The following ANKRD18A variants were observed in gnomAD, a reference collection of about 807,000 sequenced individuals.
ANKRD18A encodes the protein ankyrin repeat domain 18A, also known as ankyrin repeat domain-containing protein 18A.
Under a neutral mutation model 110.6 loss-of-function variants are expected in ANKRD18A, and 72 were observed. That is an observed-to-expected ratio of 0.65 (90% CI 0.54 to 0.79). The LOEUF (loss-of-function observed/expected upper bound fraction) is 0.79, where lower values mean the gene tolerates loss of function less well. Among genes scored for constraint, ANKRD18A ranks in the 30% least tolerant of loss-of-function variants. The probability of loss-of-function intolerance (pLI) is 0.00; values close to 1 mark genes in which losing one functional copy is unlikely to be tolerated. For missense variants in ANKRD18A, 934 were observed against 1,163.3 expected (o/e 0.80, Z 2.87); for synonymous variants, 305 against 410.3 (o/e 0.74, Z 3.10).
chr9:38,574,480 C>T (rs1049281899), intron 15 of ANKRD18A, among the ~76,000 whole-genome samples: 16 of 152,118 alleles, frequency 1.1e-4, no homozygotes, highest in Non-Finnish European at 2.1e-4. Flanking sequence ...CCACACCTGG[C>T]TAATTTTTGT....
chr9:38,569,355 A>T (rs1223836092), downstream of ANKRD18A: 1 of 985,132 alleles, frequency 1.0e-6, no homozygotes, highest in Non-Finnish European at 1.2e-6. Context: ...CCCGATAGCG[A>T]CTGTCCCCAA....
In ANKRD18A at chr9:38,588,901, T is replaced by A. The variant is rs2993196; in HGVS notation, c.2005-238A>T. Among the ~76,000 whole-genome samples, 167 of 152,336 alleles carry A rather than the reference T, an allele frequency of 1.1e-3. 2 individuals carry two copies. Among genetic ancestry groups the A allele is most frequent in the African/African-American group, 3.7e-3 (154 of 41,584 alleles). On this transcript the variant is annotated intron_variant, in intron 10 of 15. Coordinates refer to ENST00000399703, the MANE Select transcript of ANKRD18A (RefSeq NM_147195.4). ...AAATTTAAACTGCCAAAAATGTTTG[T>A]TAAAAATGAGAGTTTTTACACATAA...
chr9:38,595,539 T>A lies in ANKRD18A; in HGVS notation c.1801A>T (p.Asn601Tyr). ...TGAAGCAGTTTTTCTTTTAAATAATTATATTCTTTCATTAATTCCTTATTT... is the reference window on the plus strand; with the variant it reads ...TGAAGCAGTTTTTCTTTTAAATAATAATATTCTTTCATTAATTCCTTATTT... ...ERNKELMKEYNYLKEKLLQCE... is the reference protein window; with the variant it reads ...ERNKELMKEYYYLKEKLLQCE... Residue 601 changes from asparagine (N) to tyrosine (Y), a missense_variant, in exon 9 of 16, where the codon AAT becomes TAT. Physicochemically the swap from Asn to Tyr is moderately radical, Grantham distance 143. Transcript: ENST00000399703. The A allele has an allele frequency of 2.0e-6, 3 of 1,526,728 alleles. No homozygotes were observed. The highest frequency in any genetic ancestry group is 2.6e-6 in the Non-Finnish European group (3 of 1,138,192). The allele number at this position is 1,526,728 out of a possible 1,614,324, so 94.6% of individuals were successfully genotyped here.
At chr9:38,615,401 T>A (rs1420858394) in intron 3 of ANKRD18A, among the ~76,000 whole-genome samples, 193 bp downstream of exon 3, 1 of 152,216 alleles carries the variant, frequency 6.6e-6, no homozygotes, top group African/African-American at 2.4e-5. Flanking sequence ...CACAAATACT[T>A]CCCATACGTG....
chr9:38,581,926 T>C (rs540760510), intron 12 of ANKRD18A, among the ~76,000 whole-genome samples: 92 of 152,346 alleles, frequency 6.0e-4, no homozygotes, highest in African/African-American at 2.0e-3. Context: ...GCTGTGCATC[T>C]CTGTTTCAGT....
At chr9:38,572,187 CA>C (rs1379092841) in intron 15 of ANKRD18A, 128 bp from the exon 16 acceptor site, 1 of 602,230 alleles carries the variant, frequency 1.7e-6, no homozygotes, top group African/African-American at 2.0e-5. Context: ...CGTGCAATTA[CA>C]ATACAAAATT....
intron 6 of ANKRD18A, among the ~76,000 whole-genome samples, chr9:38,604,697 A>G (rs948288029): frequency 4.0e-5 from 6 of 151,790 alleles, no homozygotes; most frequent in Non-Finnish European, 8.8e-5. Flanking sequence ...AGGTAAAACA[A>G]CAACAAAGTC....
Position 38,575,610 on chromosome 9 carries a change from G to T in ANKRD18A, c.2830C>A (p.Pro944Thr). The T allele has an allele frequency of 6.4e-7, 1 of 1,551,654 alleles. No individual in the cohort carries two copies. The highest frequency in any genetic ancestry group is 8.7e-7 in the Non-Finnish European group (1 of 1,146,850). Residue 944 changes from proline to threonine, a missense_variant, in exon 15 of 16, where the codon CCA (proline) becomes ACA (threonine). Physicochemically the swap from Pro to Thr is conservative, Grantham distance 38. This residue lies in a region of ANKRD18A where 223 missense variants were observed against 226.7 expected (regional missense o/e 0.98). Transcript: ENST00000399703. Reference sequence around the variant, plus strand: ...TCAACACAAGGTAACTCTGGTTCTGGCCTTGTAGGAAGAGTGCTGAGAAAA... The same window carrying T: ...TCAACACAAGGTAACTCTGGTTCTGTCCTTGTAGGAAGAGTGCTGAGAAAA... ...KYFLSTLPTR[P>T]EPELPCVENL...
downstream of ANKRD18A, chr9:38,571,080 G>T (rs913127464): frequency 8.7e-6 from 13 of 1,500,302 alleles, no homozygotes; most frequent in Admixed American, 2.9e-4. Flanking sequence ...CATGAGGACT[G>T]TCCCCAGACA....
intron 15 of ANKRD18A, among the ~76,000 whole-genome samples, chr9:38,574,017 G>A (rs144570549): frequency 0.013 from 1,915 of 152,212 alleles, 23 homozygotes; most frequent in Non-Finnish European, 0.018. Flanking sequence ...CAGGTAGTGA[G>A]CATAGGACCC....
At chr9:38,590,923 T>C (rs2799157) in intron 10 of ANKRD18A, among the ~76,000 whole-genome samples, 5,771 of 152,124 alleles carry the variant, frequency 0.038, 168 homozygotes, top group African/African-American at 0.085. Context: ...GGCTAATAAT[T>C]CTATGCCTGA....
intron 1 of ANKRD18A, 74 bp downstream of exon 1, chr9:38,620,006 C>A: frequency 6.6e-7 from 1 of 1,524,390 alleles, no homozygotes; most frequent in South Asian, 1.3e-5. Context: ...AAGGTCCCCG[C>A]CCCAGGGGCT....
Position 38,619,403 on chromosome 9 carries a change from G to T in ANKRD18A, c.206+677C>A, listed in dbSNP as rs556608473. On this transcript the variant is annotated intron_variant, in intron 1 of 15. Coordinates refer to ENST00000399703, the MANE Select transcript of ANKRD18A (RefSeq NM_147195.4). ...ATATTTCAGTGTTTTTGGATTTCCT[G>T]TTCTGTTCCATTTATTTATCTGTGT... Among the ~76,000 whole-genome samples the T allele has an allele frequency of 4.0e-3, 612 of 152,086 alleles. 7 individuals are homozygous for T. Among genetic ancestry groups the T allele is most frequent in the Non-Finnish European group, 4.1e-3 (279 of 67,980 alleles).
Position 38,595,511 on chromosome 9 carries a change from C to A in ANKRD18A, c.1829G>T (p.Cys610Phe). The A allele has an allele frequency of 3.4e-6, 5 of 1,491,948 alleles. No individual in the cohort carries two copies. The highest frequency in any genetic ancestry group is 3.6e-6 in the Non-Finnish European group (4 of 1,122,722). 92.4% of individuals were successfully genotyped at this position (1,491,948 alleles called of 1,614,324 possible). The change falls in exon 9 of 16, where the codon TGT (cysteine) becomes TTT (phenylalanine). Residue 610 changes from cysteine (C) to phenylalanine (F), a missense_variant. Physicochemically the swap from Cys to Phe is radical, Grantham distance 205. Around this residue, in one of 4 missense-constraint regions of ANKRD18A, gnomAD observed 630 missense variants for 797.5 expected, o/e 0.79. Coordinates refer to ENST00000399703, the MANE Select transcript of ANKRD18A (RefSeq NM_147195.4). ...TTCTCTTTCTGCTTTTTCTTTTTCACACTGAAGCAGTTTTTCTTTTAAATA... is the reference window on the plus strand; with the variant it reads ...TTCTCTTTCTGCTTTTTCTTTTTCAAACTGAAGCAGTTTTTCTTTTAAATA... Reference protein sequence around the residue: ...YNYLKEKLLQCEKEKAEREVI... With the variant: ...YNYLKEKLLQFEKEKAEREVI...
chr9:38,568,231 A>G (rs1224481714), downstream of ANKRD18A: 1 of 152,382 alleles, frequency 6.6e-6, no homozygotes, highest in African/African-American at 2.4e-5. Context: ...ACAGTGCTGT[A>G]GGAGCCCTCA....
At chr9:38,568,014 T>C (rs2118587319), downstream of ANKRD18A, 1 of 152,434 alleles carries the variant, frequency 6.6e-6, no homozygotes, top group East Asian at 1.9e-4. Context: ...CACCACCTCA[T>C]CCTTCGCAGC....
At chr9:38,618,119 G>T (rs945559394) in intron 1 of ANKRD18A, among the ~76,000 whole-genome samples, 8 of 151,958 alleles carry the variant, frequency 5.3e-5, no homozygotes, top group Non-Finnish European at 7.4e-5. Context: ...CAATAATAAT[G>T]ATAAAAAATA....
chr9:38,584,745 A>G (rs545128128), intron 12 of ANKRD18A, among the ~76,000 whole-genome samples: 11 of 152,298 alleles, frequency 7.2e-5, no homozygotes, highest in Admixed American at 5.9e-4. Flanking sequence ...AGTCTGTAAA[A>G]TTAAATGAAA....
chr9:38,572,835 A>G (rs1177301926), intron 15 of ANKRD18A: 3 of 216,828 alleles, frequency 1.4e-5, no homozygotes, highest in Non-Finnish European at 2.7e-5. Context: ...CAAATTGTAG[A>G]GCTGGTAAAA....
Sources: gnomAD v4.1 joint callset for allele counts (sites outside exome capture counted in the v4.1 genomes callset) on GRCh38, gnomAD v4.1.1 for gene constraint, gnomAD v4.1.1 regional missense constraint, MANE v1.5 for transcripts, NCBI Gene and HGNC (gene_info 2026-07-23, HGNC 2026-07-21) for gene names.